Variants in ST6GALNAC3 observed in about 807,000 individuals in gnomAD.
The protein encoded by ST6GALNAC3 is ST6 N-acetylgalactosaminide alpha-2,6-sialyltransferase 3.
A neutral mutation model predicts 32.7 loss-of-function variants in ST6GALNAC3; 25 were observed. That is an observed-to-expected ratio of 0.76 (90% CI 0.56 to 1.07). The LOEUF is 1.07. Ranked by LOEUF, ST6GALNAC3 falls within the 50% of genes least tolerant of loss-of-function variation. The pLI, the probability that ST6GALNAC3 is intolerant of heterozygous loss-of-function variation, is 0.00. For missense variants in ST6GALNAC3, 355 were observed against 382.4 expected (o/e 0.93, Z 0.60); for synonymous variants, 129 against 133.1 (o/e 0.97, Z 0.21).
intron 1 of ST6GALNAC3, among the ~76,000 whole-genome samples, chr1:76,099,934 A>G (rs550738964): frequency 2.6e-5 from 4 of 152,228 alleles, no homozygotes; most frequent in South Asian, 2.1e-4. Context: ...TCTCACATTA[A>G]TATTCTTTTG....
At chr1:76,467,782 C>T (rs1658739001) in intron 3 of ST6GALNAC3, among the ~76,000 whole-genome samples, 1 of 151,532 alleles carries the variant, frequency 6.6e-6, no homozygotes, top group African/African-American at 2.4e-5. Flanking sequence ...TTTTCTTAAA[C>T]TGTATGGGTA....
intron 3 of ST6GALNAC3, among the ~76,000 whole-genome samples, chr1:76,477,007 AG>A (rs1326337182): frequency 2.6e-5 from 4 of 152,128 alleles, no homozygotes; most frequent in African/African-American, 9.7e-5. Context: ...GTGGTGATCC[AG>A]GTTAGTCTTG....
At chr1:76,424,612 A>G (rs569538062) in intron 3 of ST6GALNAC3, among the ~76,000 whole-genome samples, 22 of 152,110 alleles carry the variant, frequency 1.4e-4, no homozygotes, top group Admixed American at 9.2e-4. Flanking sequence ...CTCTCACTTC[A>G]GATGCTGATT....
At chr1:76,398,087 G>T (rs1653118404) in intron 2 of ST6GALNAC3, among the ~76,000 whole-genome samples, 1 of 152,058 alleles carries the variant, frequency 6.6e-6, no homozygotes, top group Non-Finnish European at 1.5e-5. Context: ...GTCCTAGTAA[G>T]AATATGTCTA....
At position 76,462,854 on chromosome 1, in the gene ST6GALNAC3, C is replaced by G. The variant is rs796435187; in HGVS notation, c.623+50437C>G. The stretch of plus-strand genomic sequence containing the variant: ...TTAGGGGAGTGTATTGCAACAACCA[C>G]TATCCACATTTTAAAAAATTGTACA... On this transcript the variant is annotated intron_variant, in intron 3 of 4. Transcript: ENST00000328299. 3.3e-5 allele frequency among the ~76,000 whole-genome samples: 5 copies of G among 152,268 alleles called. 1 individual carries two copies. The highest frequency in any genetic ancestry group is 1.2e-4 in the African/African-American group (5 of 41,548).
At chr1:76,296,494 C>T (rs1443801202) in intron 1 of ST6GALNAC3, among the ~76,000 whole-genome samples, 1 of 152,082 alleles carries the variant, frequency 6.6e-6, no homozygotes, top group Non-Finnish European at 1.5e-5. Context: ...TTCTTCTATT[C>T]GTCAATTCTC....
At chr1:76,082,532 G>A (rs1646910943) in intron 1 of ST6GALNAC3, among the ~76,000 whole-genome samples, 1 of 152,220 alleles carries the variant, frequency 6.6e-6, no homozygotes, top group East Asian at 1.9e-4. Context: ...TTCAAATGAG[G>A]TGAAGGGATT....
At chr1:76,275,849 T>G (rs1389780443) in intron 1 of ST6GALNAC3, among the ~76,000 whole-genome samples, 1 of 152,202 alleles carries the variant, frequency 6.6e-6, no homozygotes, top group African/African-American at 2.4e-5. Context: ...GTCTTGTATA[T>G]CTGAATGGGT....
rs867710586 is a variant in ST6GALNAC3 at position 76,623,662 on chromosome 1, G to T, written c.624-3790G>T. On this transcript the variant is annotated intron_variant, in intron 3 of 4. Coordinates refer to ENST00000328299, the MANE Select transcript of ST6GALNAC3 (RefSeq NM_152996.4). ...TGATAGTTATCACTTTAAGGCATTT[G>T]ATAGTTATCACTAAGTCTTTCCAAG... Among the ~76,000 whole-genome samples, 5 of 152,082 alleles carry T rather than the reference G, an allele frequency of 3.3e-5. No individual in the cohort carries two copies. In the Middle Eastern group the frequency reaches 0.01, roughly 310 times the overall value.
At chr1:76,533,329 C>T (rs1333578843) in intron 3 of ST6GALNAC3, among the ~76,000 whole-genome samples, 1 of 48,176 alleles carries the variant, frequency 2.1e-5, no homozygotes, top group African/African-American at 8.2e-5. Context: ...ATCTGCTCCT[C>T]ATTCCCACAA....
intron 2 of ST6GALNAC3, among the ~76,000 whole-genome samples, chr1:76,343,023 C>T (rs1305672156): frequency 1.3e-5 from 2 of 151,910 alleles, no homozygotes; most frequent in South Asian, 2.1e-4. Context: ...TTTTGTAGGT[C>T]GTCTGTTTAC....
At chr1:76,412,460 T>C in intron 3 of ST6GALNAC3, 43 bp downstream of exon 3, 1 of 1,530,630 alleles carries the variant, frequency 6.5e-7, no homozygotes, top group Non-Finnish European at 8.8e-7. Flanking sequence ...TTATTATCTT[T>C]TATGCTAAAT....
At chr1:76,358,863 C>T (rs995308408) in intron 2 of ST6GALNAC3, among the ~76,000 whole-genome samples, 1 of 152,164 alleles carries the variant, frequency 6.6e-6, no homozygotes, top group African/African-American at 2.4e-5. Flanking sequence ...CGTCTTCTGT[C>T]TGGGATGCTC....
intron 1 of ST6GALNAC3, among the ~76,000 whole-genome samples, chr1:76,112,622 G>A (rs1333169286): frequency 2.6e-5 from 4 of 151,680 alleles, no homozygotes; most frequent in South Asian, 2.1e-4. Context: ...CTTCTCAGAC[G>A]GGGCGGTTGC....
chr1:76,309,859 C>G (rs1179056426), intron 1 of ST6GALNAC3: 2 of 434,430 alleles, frequency 4.6e-6, no homozygotes, highest in Admixed American at 2.4e-5. Flanking sequence ...TTACTTGGTT[C>G]CCTTTGATAG....
At chr1:76,567,813 G>A (rs985673514) in intron 3 of ST6GALNAC3, among the ~76,000 whole-genome samples, 2 of 152,130 alleles carry the variant, frequency 1.3e-5, no homozygotes, top group African/African-American at 4.8e-5. Context: ...TCATTTTGTA[G>A]AATGTGATAA....
At chr1:76,123,713 T>C (rs2706198) in intron 1 of ST6GALNAC3, among the ~76,000 whole-genome samples, 1,713 of 151,808 alleles carry the variant, frequency 0.011, 45 homozygotes, top group African/African-American at 0.039. Flanking sequence ...CACAAGTAGT[T>C]CTTAGCATGC....
chr1:76,382,322 C>A (rs1012065983), intron 2 of ST6GALNAC3, among the ~76,000 whole-genome samples: 2 of 152,022 alleles, frequency 1.3e-5, no homozygotes, highest in Non-Finnish European at 2.9e-5. Context: ...GATTATCAGA[C>A]AGATTTCAAT....
Position 76,633,247 on chromosome 1 carries a change from A to G in ST6GALNAC3, c.*4441A>G, listed in dbSNP as rs1649385945. 2 of 152,196 alleles carry G rather than the reference A, an allele frequency of 1.3e-5. No individual in the cohort carries two copies. The highest frequency in any genetic ancestry group is 2.4e-5 in the African/African-American group (1 of 41,448). The allele number at this position is 152,196 out of a possible 1,614,324, so 9.4% of individuals were successfully genotyped here. A position where few individuals can be genotyped will look rare whatever the true frequency, so the allele number is the denominator to read the frequency against. ...ACTTTTTAGACAGAAGAGTAGCTGGAAAAAGAATGCCTAACTGATTTACTA... is the reference window on the plus strand; with the variant it reads ...ACTTTTTAGACAGAAGAGTAGCTGGGAAAAGAATGCCTAACTGATTTACTA... On this transcript the variant is annotated 3_prime_UTR_variant, in exon 5 of 5. Transcript: ENST00000328299.
Sources: allele counts gnomAD v4.1 joint callset (sites outside exome capture counted in the v4.1 genomes callset), GRCh38; gene constraint gnomAD v4.1.1; transcripts MANE v1.5; gene names NCBI Gene and HGNC (gene_info 2026-07-23, HGNC 2026-07-21).